The following MBP variants were observed in gnomAD, a reference collection of about 807,000 sequenced individuals.
MBP encodes myelin basic protein, also known as Golli-MBP.
Under a neutral mutation model 35.8 loss-of-function variants are expected in MBP, and 16 were observed. The ratio of observed to expected loss-of-function variants is 0.45; its 90% CI spans 0.30 to 0.68. MBP has a LOEUF of 0.68. Among genes scored for constraint, MBP ranks in the 30% least tolerant of loss-of-function variants. MBP has a pLI of 0.08. For missense variants in MBP, 380 were observed against 404.7 expected, an observed-to-expected ratio of 0.94 and a Z score of 0.52; for synonymous variants, 143 against 159.6, an observed-to-expected ratio of 0.90 and a Z score of 0.78.
chr18:76,982,303 C>T (rs1969252537), intron 8 of MBP: 2 of 152,254 alleles, frequency 1.3e-5, no homozygotes, highest in Non-Finnish European at 2.9e-5. Flanking sequence ...ATCTGATCCA[C>T]CCTGGGCTCA....
intron 2 of MBP, among the ~76,000 whole-genome samples, chr18:77,077,887 C>A (rs1358323974): frequency 6.6e-6 from 1 of 152,228 alleles, no homozygotes; most frequent in Non-Finnish European, 1.5e-5. Context: ...GGGGAGAGTG[C>A]AGGTCTTATA....
intron 3 of MBP, among the ~76,000 whole-genome samples, chr18:77,060,448 C>CA (rs767880086): frequency 2.0e-5 from 2 of 97,592 alleles, no homozygotes; most frequent in East Asian, 5.7e-4. Context: ...TCTCTCTCTC[C>CA]TTTTTTTTTT....
intron 3 of MBP, among the ~76,000 whole-genome samples, chr18:77,021,482 CTT>C (rs140602815): frequency 0.3 from 36,608 of 121,272 alleles, 4,534 homozygotes; most frequent in Non-Finnish European, 0.35. Context: ...GAAGATGCAC[CTT>C]TTTTTTTTTT....
intron 2 of MBP, among the ~76,000 whole-genome samples, chr18:77,104,229 TG>T (rs1156666943): frequency 6.6e-6 from 1 of 152,076 alleles, no homozygotes; most frequent in Non-Finnish European, 1.5e-5. Context: ...ACAAGACACA[TG>T]GGAGCAGGAG....
At chr18:77,108,742 G>A (rs1038651032) in intron 1 of MBP, 1 of 152,220 alleles carries the variant, frequency 6.6e-6, no homozygotes, top group African/African-American at 2.4e-5. Context: ...CACCTTGGTG[G>A]AACCACAGGA....
intron 2 of MBP, among the ~76,000 whole-genome samples, chr18:77,088,270 C>T (rs1026970735): frequency 6.6e-6 from 1 of 152,204 alleles, no homozygotes; most frequent in African/African-American, 2.4e-5. Flanking sequence ...GGGACAGTGC[C>T]TTCCAGCTGC....
intron 4 of MBP, chr18:77,014,320 G>A (rs1472274754): frequency 2.0e-6 from 2 of 985,508 alleles, no homozygotes; most frequent in East Asian, 2.3e-4. Context: ...AGCACAGGAG[G>A]GTGGGAGGAG....
chr18:77,027,475 C>T (rs991832433), intron 3 of MBP, among the ~76,000 whole-genome samples: 2 of 152,190 alleles, frequency 1.3e-5, no homozygotes, highest in African/African-American at 4.8e-5. Flanking sequence ...GGGACAGCAT[C>T]AGAGAGCACC....
chr18:77,044,028 T>C lies in MBP; in HGVS notation c.139+22270A>G, dbSNP rs960949017. ...GTTTTTGATCCTGAGGCTCTCTGCC[T>C]CTCTGCCTCCTCCCTGGAGGCCGTG... On this transcript the variant is annotated intron_variant, in intron 3 of 8. Coordinates refer to ENST00000355994, the MANE Select transcript of MBP (RefSeq NM_001025101.2). This position sits in a 1 kb window ranked among gnomAD's most constrained non-coding sequence, Gnocchi z 4.4. Among the ~76,000 whole-genome samples the C allele has an allele frequency of 2.2e-5, 3 of 137,648 alleles. No individual in the cohort carries two copies. Among genetic ancestry groups the C allele is most frequent in the Non-Finnish European group, 3.3e-5 (2 of 59,950 alleles). 90.3% of individuals were successfully genotyped at this position (137,648 alleles called of 152,430 possible). A position where few individuals can be genotyped will look rare whatever the true frequency, so the allele number is the denominator to read the frequency against.
chr18:76,984,985 A>AGGGCCC, intron 7 of MBP, 91 bp from the exon 8 acceptor site: 1 of 1,570,954 alleles, frequency 6.4e-7, no homozygotes, highest in Non-Finnish European at 8.6e-7. Context: ...GCCCCGGGGA[A>AGGGCCC]GGGCCCAGGC....
At chr18:77,130,446 AG>A (rs1010841196) in intron 1 of MBP, among the ~76,000 whole-genome samples, 2 of 136,314 alleles carry the variant, frequency 1.5e-5, no homozygotes, top group African/African-American at 6.8e-5. Flanking sequence ...AGGGCATCCT[AG>A]GGCCGTCCCG....
At chr18:77,124,444 C>G (rs905941253) in intron 1 of MBP, among the ~76,000 whole-genome samples, 1 of 149,868 alleles carries the variant, frequency 6.7e-6, no homozygotes, top group Non-Finnish European at 1.5e-5. Flanking sequence ...CCTCCCACCC[C>G]CCACCCCGTG....
intron 1 of MBP, among the ~76,000 whole-genome samples, chr18:77,130,382 T>C (rs1977201213): frequency 7.1e-6 from 1 of 141,482 alleles, no homozygotes; most frequent in Non-Finnish European, 1.5e-5. Context: ...TCTCTGGGCC[T>C]TGTTTCCTCA....
At chr18:77,055,876 G>C (rs1193698861) in intron 3 of MBP, among the ~76,000 whole-genome samples, 1 of 152,212 alleles carries the variant, frequency 6.6e-6, no homozygotes, top group Non-Finnish European at 1.5e-5. Context: ...CAGAAACTCA[G>C]TGGTTCTAGA....
intron 4 of MBP, among the ~76,000 whole-genome samples, chr18:76,999,153 C>A (rs1970493598): frequency 6.6e-6 from 1 of 151,902 alleles, no homozygotes; most frequent in East Asian, 1.9e-4. Flanking sequence ...CTTAAAGAAA[C>A]AACGGGAGGA....
At chr18:77,050,414 CT>C (rs1973441592) in intron 3 of MBP, among the ~76,000 whole-genome samples, 1 of 152,096 alleles carries the variant, frequency 6.6e-6, no homozygotes, top group Non-Finnish European at 1.5e-5. Flanking sequence ...AGATTATTTG[CT>C]TTTTTTCCTA....
At chr18:77,123,939 C>T (rs978079673) in intron 1 of MBP, among the ~76,000 whole-genome samples, 5 of 152,174 alleles carry the variant, frequency 3.3e-5, no homozygotes, top group South Asian at 2.1e-4. Context: ...GGTGGTCAGC[C>T]GGGAAGCAGC....
intron 2 of MBP, among the ~76,000 whole-genome samples, chr18:77,089,343 C>G (rs1975408349): frequency 6.6e-6 from 1 of 152,224 alleles, no homozygotes; most frequent in African/African-American, 2.4e-5. Context: ...TCCTGCCTCA[C>G]CAGACCCGGT....
At chr18:77,053,396 A>G (rs1401502463) in intron 3 of MBP, among the ~76,000 whole-genome samples, 1 of 152,252 alleles carries the variant, frequency 6.6e-6, no homozygotes, top group Non-Finnish European at 1.5e-5. Context: ...GTCAGCCGGT[A>G]TGCTCCGCTA....
Sources: allele counts gnomAD v4.1 joint callset (sites outside exome capture counted in the v4.1 genomes callset), GRCh38; gene constraint gnomAD v4.1.1; non-coding constraint Gnocchi (gnomAD v3.1); transcripts MANE v1.5; gene names NCBI Gene and HGNC (gene_info 2026-07-23, HGNC 2026-07-21).